TNKS: variants seen among roughly 807,000 people sequenced by gnomAD.
TNKS encodes tankyrase.
Under a neutral mutation model 135.8 loss-of-function variants are expected in TNKS, and 72 were observed. That is an observed-to-expected ratio of 0.53 (90% CI 0.44 to 0.64). The LOEUF (loss-of-function observed/expected upper bound fraction) is 0.64, where lower values mean the gene tolerates loss of function less well. TNKS is among the 30% of genes least tolerant of loss of function. The pLI is 0.00. For synonymous variants in TNKS, 849 were observed against 649.3 expected (o/e 1.31, Z -4.68); for missense variants, 1,769 against 1,674.0 (o/e 1.06, Z -0.99).
chr8:9,556,457 G>A lies in TNKS; in HGVS notation c.518G>A (p.Gly173Glu). 1 of 1,614,130 alleles carries A rather than the reference G, an allele frequency of 6.2e-7. No homozygotes were observed. ...CTGGGGCCTGGGGCAGCAGGACCTG[G>A]GACAGGGGTCCCAGCAGTGAGCGGG... The part of the protein sequence containing the change: ...APLGPGAAGP[G>E]TGVPAVSGAL... The change falls in exon 1 of 27, where the codon GGG (glycine) becomes GAG (glutamate). Residue 173 changes from glycine (G) to glutamate (E), a missense_variant. Gly to Glu is a moderately conservative substitution (Grantham distance 98). Around this residue, in one of 5 missense-constraint regions of TNKS, gnomAD observed 450 missense variants for 304.9 expected, o/e 1.48. Transcript: ENST00000310430.
rs1803163237 is a variant in TNKS, at chr8:9,689,538, C to A, written c.1107+8738C>A. ...TTGTTAATAGTAACATAATACCCTA[C>A]TTTTGAATATTATAAAAATGCTCCA... is the stretch of plus-strand genomic sequence containing the variant. On this transcript the variant is annotated intron_variant, in intron 5 of 26. Coordinates refer to ENST00000310430, the MANE Select transcript of TNKS (RefSeq NM_003747.3). Among the ~76,000 whole-genome samples the A allele has an allele frequency of 2.0e-5, 3 of 152,116 alleles. No homozygotes were observed. The South Asian group carries it at 6.2e-4, about 32-fold the overall frequency.
chr8:9,591,611 T>C (rs1019235102), intron 2 of TNKS, among the ~76,000 whole-genome samples: 3 of 152,244 alleles, frequency 2.0e-5, no homozygotes, highest in African/African-American at 7.2e-5. Context: ...TATTTTTATT[T>C]TTTGCTGTTA....
intron 15 of TNKS, among the ~76,000 whole-genome samples, chr8:9,734,340 AT>A (rs1805585570): frequency 6.6e-6 from 1 of 152,214 alleles, no homozygotes; most frequent in Non-Finnish European, 1.5e-5. Flanking sequence ...AAAATCTATA[AT>A]TTTTAATACA....
At chr8:9,726,785 GC>G (rs1381536249) in intron 13 of TNKS, 65 bp downstream of exon 13, 2 of 1,311,212 alleles carry the variant, frequency 1.5e-6, no homozygotes, top group Non-Finnish European at 2.2e-6. Flanking sequence ...TCATTTTTAA[GC>G]TTCTAAGTAT....
At position 9,762,194 on chromosome 8, in the gene TNKS, G is replaced by A. The variant is rs148385084; in HGVS notation, c.3274+558G>A. ...TTGTCTTTTTCCATTGTACTTTGCC[G>A]TTACAAGCCTCTTTCCCCTCTGTTT... On this transcript the variant is annotated intron_variant, in intron 21 of 26. Transcript: ENST00000310430. Among the ~76,000 whole-genome samples the A allele has an allele frequency of 1.1e-4, 17 of 151,092 alleles. No individual in the cohort carries two copies. The East Asian group carries it at 2.7e-3, about 24-fold the overall frequency.
chr8:9,585,706 A>G (rs541263381), intron 2 of TNKS, among the ~76,000 whole-genome samples: 1 of 152,346 alleles, frequency 6.6e-6, no homozygotes, highest in East Asian at 1.9e-4. Context: ...GTGACATTAC[A>G]TTAGAGAAAC....
rs146020543 is a variant in TNKS, at chr8:9,596,671, A to G, written c.898+16288A>G. On this transcript the variant is annotated intron_variant, in intron 2 of 26. Coordinates refer to ENST00000310430, the MANE Select transcript of TNKS (RefSeq NM_003747.3). ...CCAAAGATACATTTATTTTGGATCA[A>G]TACATCTGAAATCTGAATAACTCTT... Among the ~76,000 whole-genome samples the G allele has an allele frequency of 1.1e-4, 17 of 152,370 alleles. No homozygotes were observed. In the East Asian group the frequency reaches 1.9e-3, roughly 17 times the overall value.
At chr8:9,631,762 AT>A (rs61251441) in intron 3 of TNKS, among the ~76,000 whole-genome samples, 1,980 of 135,090 alleles carry the variant, frequency 0.015, 9 homozygotes, top group Middle Eastern at 0.041. Context: ...TGGTTGGTTG[AT>A]TTTTTTTTTT....
intron 12 of TNKS, among the ~76,000 whole-genome samples, chr8:9,724,550 A>T (rs1301359863): frequency 1.3e-5 from 2 of 152,060 alleles, no homozygotes; most frequent in Non-Finnish European, 2.9e-5. Context: ...TTTTAATTTC[A>T]TTTTTTATAT....
intron 3 of TNKS, among the ~76,000 whole-genome samples, chr8:9,664,898 C>T (rs1315872899): frequency 6.6e-6 from 1 of 152,102 alleles, no homozygotes; most frequent in Non-Finnish European, 1.5e-5. Context: ...ATTTCTATAC[C>T]ATATCCCTAT....
intron 2 of TNKS, among the ~76,000 whole-genome samples, chr8:9,593,942 A>G (rs776786949): frequency 6.6e-6 from 1 of 152,112 alleles, no homozygotes; most frequent in Admixed American, 6.6e-5. Flanking sequence ...GCTGGAGTGC[A>G]ATGGCACGAT....
intron 11 of TNKS, among the ~76,000 whole-genome samples, chr8:9,717,391 A>G (rs1342555300): frequency 6.6e-6 from 1 of 152,022 alleles, no homozygotes; most frequent in East Asian, 1.9e-4. Flanking sequence ...ATTAGAATCA[A>G]TTTAAATTAT....
At chr8:9,598,705 ATG>A (rs376761155) in intron 2 of TNKS, among the ~76,000 whole-genome samples, 11,868 of 108,032 alleles carry the variant, frequency 0.11, 790 homozygotes, top group South Asian at 0.28. Flanking sequence ...TGTCTAAAAT[ATG>A]TGTGTGTGTG....
At chr8:9,700,833 TTAAAAAC>T (rs1053805081) in intron 5 of TNKS, among the ~76,000 whole-genome samples, 1 of 152,218 alleles carries the variant, frequency 6.6e-6, no homozygotes, top group Non-Finnish European at 1.5e-5. Flanking sequence ...TTTCAGTAGT[TTAAAAAC>T]TAAATATATT....
At chr8:9,662,082 C>A (rs1041942240) in intron 3 of TNKS, among the ~76,000 whole-genome samples, 1 of 152,150 alleles carries the variant, frequency 6.6e-6, no homozygotes, top group Non-Finnish European at 1.5e-5. Flanking sequence ...ATTAAGAAGT[C>A]AGGAAACAAC....
Position 9,735,360 on chromosome 8 carries a change from T to G in TNKS, c.2534-17T>G. 3 of 1,607,862 alleles carry G rather than the reference T, an allele frequency of 1.9e-6. No homozygotes were observed. Among genetic ancestry groups the G allele is most frequent in the Non-Finnish European group, 2.6e-6 (3 of 1,175,320 alleles). On this transcript the variant is annotated splice_polypyrimidine_tract_variant and intron_variant, in intron 16 of 26. Transcript: ENST00000310430. ...TTTAAGCTGACACGTTTCCTGTATTTTTTTTACTCTAAATAGCAGGCTATA... is the reference window on the plus strand; with the variant it reads ...TTTAAGCTGACACGTTTCCTGTATTGTTTTTACTCTAAATAGCAGGCTATA...
At chr8:9,691,688 TA>T (rs1366259488) in intron 5 of TNKS, among the ~76,000 whole-genome samples, 1 of 152,220 alleles carries the variant, frequency 6.6e-6, no homozygotes, top group Non-Finnish European at 1.5e-5. Context: ...ATAAACAAGT[TA>T]ATACATATAA....
At chr8:9,686,373 A>G (rs1475017390) in intron 5 of TNKS, among the ~76,000 whole-genome samples, 1 of 152,164 alleles carries the variant, frequency 6.6e-6, no homozygotes, top group Non-Finnish European at 1.5e-5. Context: ...TTCCCGATCC[A>G]TCTTTAGGGT....
chr8:9,691,378 G>C (rs930726105), intron 5 of TNKS, among the ~76,000 whole-genome samples: 4 of 152,190 alleles, frequency 2.6e-5, no homozygotes, highest in Non-Finnish European at 4.4e-5. Context: ...ATTATTGATA[G>C]AGTTTAATGT....
Sources: gnomAD v4.1 joint callset for allele counts (sites outside exome capture counted in the v4.1 genomes callset) on GRCh38, gnomAD v4.1.1 for gene constraint, gnomAD v4.1.1 regional missense constraint, MANE v1.5 for transcripts, NCBI Gene and HGNC (gene_info 2026-07-23, HGNC 2026-07-21) for gene names.